Variants in PHF21A observed in about 807,000 individuals in gnomAD.
PHF21A encodes PHD finger protein 21A.
A neutral mutation model predicts 82.5 loss-of-function variants in PHF21A; 11 were observed. That is an observed-to-expected ratio of 0.13 (90% CI 0.08 to 0.22). The LOEUF (loss-of-function observed/expected upper bound fraction) is 0.22. Ranked by LOEUF, PHF21A falls within the 10% of genes least tolerant of loss-of-function variation. The pLI is 1.00. For missense variants in PHF21A, 579 were observed against 837.8 expected (o/e 0.69, Z 3.81); for synonymous variants, 297 against 302.8 (o/e 0.98, Z 0.20).
chr11:46,045,307 C>G (rs1282449628), intron 6 of PHF21A, among the ~76,000 whole-genome samples: 1 of 152,106 alleles, frequency 6.6e-6, no homozygotes, highest in African/African-American at 2.4e-5. Flanking sequence ...AGCATTAGCA[C>G]ACATTATTAT....
chr11:45,967,490 C>T (rs767700629), intron 9 of PHF21A, among the ~76,000 whole-genome samples: 124 of 152,122 alleles, frequency 8.2e-4, no homozygotes, highest in Non-Finnish European at 1.3e-3. Context: ...TTGTGGGGAC[C>T]TTGAAGCCAT....
chr11:45,947,403 A>G (rs2091458230), intron 14 of PHF21A, among the ~76,000 whole-genome samples: 1 of 152,266 alleles, frequency 6.6e-6, no homozygotes. Flanking sequence ...GTTATCATTT[A>G]TATTAGGATT....
intron 2 of PHF21A, among the ~76,000 whole-genome samples, chr11:46,091,223 G>C (rs2096920715): frequency 6.6e-6 from 1 of 152,240 alleles, no homozygotes; most frequent in South Asian, 2.1e-4. Flanking sequence ...ATTACTATTT[G>C]AGAGAGGATT....
At chr11:45,980,971 C>T (rs2136308556) in intron 6 of PHF21A, among the ~76,000 whole-genome samples, 1 of 152,216 alleles carries the variant, frequency 6.6e-6, no homozygotes, top group Admixed American at 6.5e-5. Context: ...CTTTCTAGGC[C>T]TTGCTCAAAT....
At chr11:46,015,510 C>T (rs748887452) in intron 6 of PHF21A, among the ~76,000 whole-genome samples, 5 of 151,852 alleles carry the variant, frequency 3.3e-5, no homozygotes, top group Non-Finnish European at 7.4e-5. Context: ...ATAAATTAAC[C>T]TTAGCTTAGT....
intron 6 of PHF21A, among the ~76,000 whole-genome samples, chr11:45,992,674 G>A (rs928111614): frequency 1.3e-5 from 2 of 152,188 alleles, no homozygotes; most frequent in Admixed American, 1.3e-4. Context: ...ACTTTAGTGG[G>A]AAAATGCATA....
Position 45,931,864 on chromosome 11 carries a change from T to G in PHF21A, c.*2104A>C, listed in dbSNP as rs1310677979. On this transcript the variant is annotated 3_prime_UTR_variant, in exon 19 of 19. Coordinates refer to ENST00000676320, the MANE Select transcript of PHF21A (RefSeq NM_001352027.3). ...CTGACAAGGCAAGATGAGAGAATGG[T>G]CTGAGTCTTTCACAACCCTGGTTTT... The G allele has an allele frequency of 6.6e-6, 1 of 152,184 alleles. No homozygotes were observed. Among genetic ancestry groups the G allele is most frequent in the East Asian group, 1.9e-4 (1 of 5,176 alleles). 9.4% of individuals were successfully genotyped at this position (152,184 alleles called of 1,614,324 possible). A position where few individuals can be genotyped will look rare whatever the true frequency, so the allele number is the denominator to read the frequency against.
chr11:45,934,385 G>A (rs2088275653), intron 18 of PHF21A, 160 bp from the exon 19 acceptor site: 4 of 689,774 alleles, frequency 5.8e-6, no homozygotes, highest in Non-Finnish European at 9.6e-6. Context: ...GGAGTGGGCG[G>A]CTACCACCTA....
chr11:46,040,557 C>A (rs2096113022), intron 6 of PHF21A, among the ~76,000 whole-genome samples: 1 of 152,034 alleles, frequency 6.6e-6, no homozygotes, highest in Non-Finnish European at 1.5e-5. Flanking sequence ...CTCATTACTG[C>A]AGTACATTAG....
rs772754445 is a variant in PHF21A, at chr11:45,969,906, TA to T, written c.613-3del. 1.2e-6 allele frequency: 2 copies of T among 1,605,106 alleles called. No homozygotes were observed. The highest frequency in any genetic ancestry group is 1.7e-6 in the Non-Finnish European group (2 of 1,172,628). On this transcript the variant is annotated splice_region_variant and splice_polypyrimidine_tract_variant and intron_variant, in intron 8 of 18. Coordinates refer to ENST00000676320, the MANE Select transcript of PHF21A (RefSeq NM_001352027.3). ...CTGAGGAGGTGTTGCCTGAACCTGC[TA>T]AAAAATGAGGAAGATAAATAAACCA...
At chr11:46,050,658 T>A (rs1592515594) in intron 6 of PHF21A, among the ~76,000 whole-genome samples, 2 of 152,328 alleles carry the variant, frequency 1.3e-5, no homozygotes, top group African/African-American at 4.8e-5. Context: ...AAGAGCATAG[T>A]CCAAGATCCT....
In PHF21A at chr11:45,935,672, T is replaced by C. The variant is rs1470346293; in HGVS notation, c.1752A>G (p.Leu584=). 6.4e-7 allele frequency: 1 copy of C among 1,555,586 alleles called. No homozygotes were observed. Among genetic ancestry groups the C allele is most frequent in the East Asian group, 2.2e-5 (1 of 44,584 alleles). The change falls in exon 18 of 19, where the codon CTA becomes CTG. Residue 584 remains leucine (L), a synonymous_variant. Transcript: ENST00000676320. The part of the protein sequence containing the change: ...SSDLKQEREQ[L]EQKVKQLSNS... ...TGCTGAGCTGTTTCACCTTTTGCTC[T>C]AGTTGTTCTCGTTCTTGTTTTAAAT...
chr11:46,058,152 TCTA>T lies in PHF21A; in HGVS notation c.153+18599_153+18601del, dbSNP rs372165215. 1.9e-4 allele frequency among the ~76,000 whole-genome samples: 29 copies of T among 152,256 alleles called. No individual in the cohort carries two copies. The South Asian group carries it at 5.6e-3, about 29-fold the overall frequency. Reference sequence around the variant, plus strand: ...TCATAGCCTGAACACCTCCCTACATTCTACTGCTGCCTTACCATGGGGGTAAGA... The same window carrying T: ...TCATAGCCTGAACACCTCCCTACATTCTGCTGCCTTACCATGGGGGTAAGA... On this transcript the variant is annotated intron_variant, in intron 6 of 18. Transcript: ENST00000676320.
chr11:46,036,527 A>G (rs1054639334), intron 6 of PHF21A, among the ~76,000 whole-genome samples: 10 of 152,178 alleles, frequency 6.6e-5, no homozygotes, highest in African/African-American at 2.4e-4. Context: ...AAAACGTTCA[A>G]TCTCCCCACT....
chr11:46,078,011 A>C (rs1469951974), intron 5 of PHF21A, among the ~76,000 whole-genome samples: 1 of 152,124 alleles, frequency 6.6e-6, no homozygotes, highest in Non-Finnish European at 1.5e-5. Flanking sequence ...TCCCAGGTTC[A>C]AGTGATTCTC....
intron 8 of PHF21A, chr11:45,970,115 GT>G: frequency 1.9e-6 from 1 of 512,970 alleles, no homozygotes; most frequent in South Asian, 2.3e-5. Flanking sequence ...CCACACTTCT[GT>G]TTCCTCCTAC....
At chr11:46,104,491 T>C (rs1315585130) in intron 1 of PHF21A, among the ~76,000 whole-genome samples, 1 of 152,182 alleles carries the variant, frequency 6.6e-6, no homozygotes, top group Non-Finnish European at 1.5e-5. Flanking sequence ...AAAACTGACA[T>C]ATTCCCATGT....
In PHF21A at chr11:45,948,951, G is replaced by C; in HGVS notation, c.1228-5C>G. The stretch of plus-strand genomic sequence containing the variant: ...TGTCACTGCACTCTTCTTACGCTTT[G>C]AGGGTTGAAGGAGGAAAGGTGACTG... On this transcript the variant is annotated splice_polypyrimidine_tract_variant and splice_region_variant and intron_variant, in intron 13 of 18. Coordinates refer to ENST00000676320, the MANE Select transcript of PHF21A (RefSeq NM_001352027.3). 6.2e-7 allele frequency: 1 copy of C among 1,612,954 alleles called. No individual in the cohort carries two copies. The highest frequency in any genetic ancestry group is 2.2e-5 in the East Asian group (1 of 44,884).
intron 3 of PHF21A, among the ~76,000 whole-genome samples, chr11:46,089,821 C>G (rs1475699839): frequency 2.0e-5 from 3 of 147,512 alleles, no homozygotes; most frequent in Admixed American, 6.8e-5. Flanking sequence ...GGGGGCGGGT[C>G]CTCATTTTTT....
Sources: gnomAD v4.1 joint callset for allele counts (sites outside exome capture counted in the v4.1 genomes callset) on GRCh38, gnomAD v4.1.1 for gene constraint, MANE v1.5 for transcripts, NCBI Gene and HGNC (gene_info 2026-07-23, HGNC 2026-07-21) for gene names.